Variants in ITGB1 observed in about 807,000 individuals in gnomAD.
ITGB1 encodes the protein integrin subunit beta 1.
A neutral mutation model predicts 86.5 loss-of-function variants in ITGB1; 24 were observed. The ratio of observed to expected loss-of-function variants is 0.28; its 90% CI spans 0.20 to 0.39. ITGB1 has a LOEUF of 0.39. Among genes scored for constraint, ITGB1 ranks in the 10% least tolerant of loss-of-function variants. ITGB1 has a pLI of 1.00. For missense variants in ITGB1, 556 were observed against 946.9 expected (o/e 0.59, Z 5.42); for synonymous variants, 323 against 316.8 (o/e 1.02, Z -0.21).
intron 15 of ITGB1, among the ~76,000 whole-genome samples, chr10:32,904,614 A>G (rs1178861934): frequency 1.3e-5 from 2 of 152,234 alleles, no homozygotes; most frequent in African/African-American, 4.8e-5. Context: ...TTTCAATGAC[A>G]TAATTGACTG....
At chr10:32,939,597 G>A (rs11009154) in intron 1 of ITGB1, among the ~76,000 whole-genome samples, 13,740 of 152,182 alleles carry the variant, frequency 0.09, 886 homozygotes, top group East Asian at 0.33. Context: ...GTGTATCTAC[G>A]CACAGTTAGA....
At chr10:32,917,297 C>A (rs2094934906) in intron 11 of ITGB1, among the ~76,000 whole-genome samples, 1 of 152,172 alleles carries the variant, frequency 6.6e-6, no homozygotes, top group African/African-American at 2.4e-5. Context: ...GACTTCATGA[C>A]TAAAACACCA....
intron 8 of ITGB1, 93 bp downstream of exon 8, chr10:32,922,547 T>C: frequency 3.6e-6 from 3 of 843,134 alleles, no homozygotes; most frequent in Middle Eastern, 2.3e-4. Context: ...TTTGCCTATC[T>C]GGTGGCATTT....
At chr10:32,922,110 T>G (rs2094951890) in intron 9 of ITGB1, 147 bp downstream of exon 9, 1 of 490,344 alleles carries the variant, frequency 2.0e-6, no homozygotes, top group South Asian at 3.7e-5. Context: ...ATGTATAAAG[T>G]TTTTCCTCTA....
intron 1 of ITGB1, among the ~76,000 whole-genome samples, chr10:32,954,545 T>C (rs893478893): frequency 9.9e-5 from 15 of 152,248 alleles, no homozygotes; most frequent in Middle Eastern, 3.4e-3. Flanking sequence ...TACAGCAATA[T>C]AGTAAGATTA....
chr10:32,944,386 T>C, intron 1 of ITGB1: 1 of 257,394 alleles, frequency 3.9e-6, no homozygotes, highest in Non-Finnish European at 7.6e-6. Flanking sequence ...GCGTGGGCCT[T>C]GGTCTGTAAA....
intron 4 of ITGB1, among the ~76,000 whole-genome samples, chr10:32,929,205 A>T (rs1217011981): frequency 2.9e-5 from 2 of 68,400 alleles, no homozygotes; most frequent in Non-Finnish European, 1.2e-4. Context: ...CAGAAGAGTT[A>T]AAAAAAATCC....
intron 1 of ITGB1, among the ~76,000 whole-genome samples, chr10:32,949,603 G>A (rs2095038837): frequency 6.6e-6 from 1 of 152,050 alleles, no homozygotes; most frequent in African/African-American, 2.4e-5. Context: ...TTTTATCTAA[G>A]GGGTCATAAT....
intron 15 of ITGB1, among the ~76,000 whole-genome samples, chr10:32,903,330 C>T (rs1224251652): frequency 9.6e-6 from 1 of 104,454 alleles, no homozygotes; most frequent in South Asian, 3.1e-4. Context: ...CCAGACTGGG[C>T]GAAAGAGCAA....
In ITGB1 at chr10:32,929,858, T is replaced by A; in HGVS notation, c.340A>T (p.Ile114Phe). The change falls in exon 4 of 16, where the codon ATC becomes TTC. Residue 114 changes from isoleucine (I) to phenylalanine (F), a missense_variant. By Grantham distance (21) the Ile-to-Phe change is conservative. This residue lies in a region of ITGB1 where 183 missense variants were observed against 263.9 expected (regional missense o/e 0.69). Transcript: ENST00000302278. ...EKLKPEDITQ[I>F]QPQQLVLRLR... is the part of the protein sequence containing the mutation. ...CGCAAAACCAACTGCTGTGGTTGGA[T>A]CTGAGTAATATCCTCTGGCTTGAGC... The A allele has an allele frequency of 6.2e-7, 1 of 1,613,126 alleles. No individual in the cohort carries two copies. Among genetic ancestry groups the A allele is most frequent in the Non-Finnish European group, 8.5e-7 (1 of 1,179,098 alleles).
At chr10:32,909,691 A>C (rs2094907143) in intron 14 of ITGB1, among the ~76,000 whole-genome samples, 1 of 152,136 alleles carries the variant, frequency 6.6e-6, no homozygotes, top group East Asian at 1.9e-4. Flanking sequence ...GTATTTACCC[A>C]AGAGAAATGA....
At chr10:32,943,324 G>C (rs1405155315) in intron 1 of ITGB1, among the ~76,000 whole-genome samples, 3 of 152,224 alleles carry the variant, frequency 2.0e-5, no homozygotes, top group African/African-American at 4.8e-5. Flanking sequence ...TGGTCAACCA[G>C]ATAAACTAAA....
rs1247719340 is a variant in ITGB1, at chr10:32,901,295, T to C, written c.*275A>G. ...AGAAATATCACTTAATCCAATAAGC[T>C]TGATTTCAATAGTCCAGGAAGAAAA... On this transcript the variant is annotated 3_prime_UTR_variant, in exon 16 of 16. Coordinates refer to ENST00000302278, the MANE Select transcript of ITGB1 (RefSeq NM_002211.4). 1.2e-5 allele frequency: 4 copies of C among 328,354 alleles called. No individual in the cohort carries two copies. The highest frequency in any genetic ancestry group is 1.0e-4 in the Admixed American group (2 of 19,398). 20.3% of individuals were successfully genotyped at this position (328,354 alleles called of 1,614,324 possible).
chr10:32,914,296 T>C (rs1593858949), intron 11 of ITGB1, among the ~76,000 whole-genome samples: 1 of 152,224 alleles, frequency 6.6e-6, no homozygotes, highest in East Asian at 1.9e-4. Flanking sequence ...AATGACAGGA[T>C]CAAATTCACA....
intron 11 of ITGB1, among the ~76,000 whole-genome samples, chr10:32,914,418 C>G (rs1220608667): frequency 6.6e-6 from 1 of 151,966 alleles, no homozygotes; most frequent in East Asian, 1.9e-4. Flanking sequence ...TTCAGGAGAC[C>G]CATCTCACGT....
intron 6 of ITGB1, among the ~76,000 whole-genome samples, chr10:32,923,999 T>C (rs1445056805): frequency 3.3e-5 from 5 of 152,176 alleles, no homozygotes; most frequent in Admixed American, 3.3e-4. Flanking sequence ...ACTGTTTTTT[T>C]GTTTTGTTTG....
chr10:32,901,823 G>C (rs2094882721), intron 15 of ITGB1, among the ~76,000 whole-genome samples, 188 bp from the exon 16 acceptor site: 1 of 152,238 alleles, frequency 6.6e-6, no homozygotes, highest in East Asian at 1.9e-4. Flanking sequence ...TGGAAGCTTT[G>C]CTTTACAAGT....
intron 1 of ITGB1, among the ~76,000 whole-genome samples, chr10:32,956,862 T>C (rs1161935772): frequency 1.3e-5 from 2 of 152,244 alleles, no homozygotes; most frequent in African/African-American, 2.4e-5. Flanking sequence ...TCAATACTCA[T>C]TGAGCATCTA....
intron 12 of ITGB1, 91 bp downstream of exon 12, chr10:32,911,795 C>T (rs2094914302): frequency 7.1e-7 from 1 of 1,415,120 alleles, no homozygotes; most frequent in Non-Finnish European, 9.8e-7. Context: ...CTCAAGCTAC[C>T]CCTTTTCTAC....
Sources: gnomAD v4.1 joint callset for allele counts (sites outside exome capture counted in the v4.1 genomes callset) on GRCh38, gnomAD v4.1.1 for gene constraint, gnomAD v4.1.1 regional missense constraint, MANE v1.5 for transcripts, NCBI Gene and HGNC (gene_info 2026-07-23, HGNC 2026-07-21) for gene names.